Variants in PALLD observed in about 807,000 individuals in gnomAD.
The protein encoded by PALLD is palladin, cytoskeletal associated protein, also known as palladin.
A neutral mutation model predicts 123.5 loss-of-function variants in PALLD; 61 were observed. That is an observed-to-expected ratio of 0.49 (90% CI 0.40 to 0.61). PALLD has a LOEUF of 0.61. Among genes scored for constraint, PALLD ranks in the 20% least tolerant of loss-of-function variants. The pLI is 0.00. For missense variants in PALLD, 1,273 were observed against 1,377.0 expected, an observed-to-expected ratio of 0.92 and a Z score of 1.20; for synonymous variants, 465 against 496.4, an observed-to-expected ratio of 0.94 and a Z score of 0.84.
Position 168,877,996 on chromosome 4 carries a change from G to A in PALLD, c.1965-12926G>A, listed in dbSNP as rs932803535. 3 of 1,498,752 alleles carry A rather than the reference G, an allele frequency of 2.0e-6. No individual in the cohort carries two copies. Among genetic ancestry groups the A allele is most frequent in the Admixed American group, 2.1e-5 (1 of 47,082 alleles). The allele number at this position is 1,498,752 out of a possible 1,614,324, so 92.8% of individuals were successfully genotyped here. The stretch of plus-strand genomic sequence containing the variant: ...TCGCCGCGCAGAACCTCGGGCCCGC[G>A]TCGGGCCACGGCACGCCGGCCTCCA... On this transcript the variant is annotated intron_variant, in intron 10 of 21. Transcript: ENST00000505667.
At chr4:168,589,588 A>G (rs1771196816) in intron 2 of PALLD, among the ~76,000 whole-genome samples, 1 of 133,886 alleles carries the variant, frequency 7.5e-6, no homozygotes, top group African/African-American at 2.6e-5. Flanking sequence ...ATTTCTTCAC[A>G]TTTGAAAGCT....
chr4:168,904,451 C>T (rs1367267248), intron 15 of PALLD, among the ~76,000 whole-genome samples: 1 of 152,094 alleles, frequency 6.6e-6, no homozygotes, highest in Non-Finnish European at 1.5e-5. Context: ...GACTTAGGGT[C>T]AAAAAATCAG....
intron 10 of PALLD, among the ~76,000 whole-genome samples, chr4:168,728,609 C>G (rs1010772057): frequency 6.6e-6 from 1 of 152,082 alleles, no homozygotes; most frequent in South Asian, 2.1e-4. Flanking sequence ...TTGGTGGAGT[C>G]TTTAGGAATT....
chr4:168,862,311 ATTT>A (rs11409732), intron 10 of PALLD, among the ~76,000 whole-genome samples: 5 of 148,584 alleles, frequency 3.4e-5, no homozygotes, highest in Non-Finnish European at 7.4e-5. Context: ...CACCTGGCTA[ATTT>A]TTTTTTTTAT....
In PALLD at chr4:168,512,076, G is replaced by C. The variant is rs1167116976; in HGVS notation, c.572G>C (p.Arg191Thr). 1 of 1,614,110 alleles carries C rather than the reference G, an allele frequency of 6.2e-7. No individual in the cohort carries two copies. Among genetic ancestry groups the C allele is most frequent in the African/African-American group, 1.3e-5 (1 of 74,920 alleles). The change falls in exon 2 of 22, where the codon AGA (arginine) becomes ACA (threonine). Residue 191 changes from arginine to threonine, a missense_variant. Physicochemically the swap from Arg to Thr is moderately conservative, Grantham distance 71. Transcript: ENST00000505667. ...SIFKAAKPRN[R>T]SPNGESSSPD... is the part of the protein sequence containing the mutation. ...TTTAAAGCCGCAAAGCCAAGAAACA[G>C]AAGCCCAAATGGGGAGTCCTCGTCA...
chr4:168,561,331 A>C (rs922605251), intron 2 of PALLD, among the ~76,000 whole-genome samples: 17 of 152,040 alleles, frequency 1.1e-4, no homozygotes, highest in Admixed American at 2.0e-4. Context: ...CCACAATCAC[A>C]GCTCACTGTA....
At chr4:168,619,944 C>T (rs968276693) in intron 2 of PALLD, among the ~76,000 whole-genome samples, 5 of 152,084 alleles carry the variant, frequency 3.3e-5, no homozygotes, top group Non-Finnish European at 5.9e-5. Context: ...TAAGCTCTTC[C>T]AATAGTAGTG....
intron 10 of PALLD, among the ~76,000 whole-genome samples, chr4:168,827,885 C>A (rs756549499): frequency 6.6e-5 from 10 of 152,116 alleles, no homozygotes; most frequent in Non-Finnish European, 1.2e-4. Context: ...ATTTAAAATA[C>A]AAAAAATTAG....
At chr4:168,679,475 G>T (rs1181991085) in intron 3 of PALLD, among the ~76,000 whole-genome samples, 4 of 119,138 alleles carry the variant, frequency 3.4e-5, no homozygotes, top group African/African-American at 1.3e-4. Context: ...CGTGTGTGGG[G>T]GGGTGTGGTG....
intron 15 of PALLD, among the ~76,000 whole-genome samples, chr4:168,905,713 A>G (rs865914047): frequency 1.4e-4 from 21 of 151,910 alleles, no homozygotes; most frequent in Non-Finnish European, 2.1e-4. Flanking sequence ...CTAAATCACT[A>G]TTAAGAAGTT....
chr4:168,554,321 C>T (rs2149550109), intron 2 of PALLD, among the ~76,000 whole-genome samples: 1 of 152,292 alleles, frequency 6.6e-6, no homozygotes, highest in African/African-American at 2.4e-5. Context: ...TCACTTTTTA[C>T]TTTCTCCAAT....
chr4:168,573,815 G>A (rs1159219983), intron 2 of PALLD, among the ~76,000 whole-genome samples: 1 of 152,010 alleles, frequency 6.6e-6, no homozygotes, highest in Non-Finnish European at 1.5e-5. Context: ...CAGTAACCCT[G>A]GTATTGTATT....
At chr4:168,913,229 C>T (rs961476024) in intron 15 of PALLD, among the ~76,000 whole-genome samples, 69 of 151,456 alleles carry the variant, frequency 4.6e-4, no homozygotes, top group African/African-American at 1.6e-3. Flanking sequence ...CTCCGCCTCC[C>T]GGGTTCAATA....
In PALLD at chr4:168,511,945, T is replaced by A. The variant is rs1762564902; in HGVS notation, c.441T>A (p.Thr147=). 27 of 1,613,930 alleles carry A rather than the reference T, an allele frequency of 1.7e-5. No individual in the cohort carries two copies. Among genetic ancestry groups the A allele is most frequent in the Non-Finnish European group, 2.1e-5 (25 of 1,179,990 alleles). ...AGGCTGAAAAGCGTGGTGCAAAAAC[T>A]CCCAGCACAAACGTAAAGCCCAAAA... The part of the protein sequence containing the change: ...LRKAEKRGAK[T]PSTNVKPKTP... The change falls in exon 2 of 22, where the codon ACT becomes ACA. Residue 147 remains threonine (T), a synonymous_variant. Coordinates refer to ENST00000505667, the MANE Select transcript of PALLD (RefSeq NM_001166108.2).
intron 10 of PALLD, among the ~76,000 whole-genome samples, chr4:168,862,273 T>C (rs920095064): frequency 2.0e-5 from 3 of 151,956 alleles, no homozygotes; most frequent in Non-Finnish European, 4.4e-5. Flanking sequence ...CTCAAGCAAG[T>C]AGCTGGGACT....
chr4:168,702,965 A>G (rs1464687857), intron 8 of PALLD, among the ~76,000 whole-genome samples: 1 of 147,778 alleles, frequency 6.8e-6, no homozygotes, highest in Non-Finnish European at 1.5e-5. Context: ...TGTGCAGGTT[A>G]GTTACATATG....
chr4:168,800,129 T>A (rs1194277994), intron 10 of PALLD, among the ~76,000 whole-genome samples: 1 of 152,234 alleles, frequency 6.6e-6, no homozygotes, highest in Non-Finnish European at 1.5e-5. Context: ...CCTCTTTTTA[T>A]AAATAATACT....
intron 2 of PALLD, among the ~76,000 whole-genome samples, chr4:168,608,212 A>G (rs542936627): frequency 6.6e-6 from 1 of 152,340 alleles, no homozygotes; most frequent in East Asian, 1.9e-4. Context: ...GCAGATAAAT[A>G]GGAGCCCATT....
chr4:168,621,773 C>A (rs571881459), intron 2 of PALLD, among the ~76,000 whole-genome samples: 2 of 152,148 alleles, frequency 1.3e-5, no homozygotes, highest in African/African-American at 4.8e-5. Flanking sequence ...CTTTGTTAGG[C>A]GGCAGATAAG....
Sources: gnomAD v4.1 joint callset for allele counts (sites outside exome capture counted in the v4.1 genomes callset) on GRCh38, gnomAD v4.1.1 for gene constraint, MANE v1.5 for transcripts, NCBI Gene and HGNC (gene_info 2026-07-23, HGNC 2026-07-21) for gene names.